Variants in CEP104 observed in about 807,000 individuals in gnomAD.
CEP104 encodes the protein centrosomal protein of 104 kDa.
A neutral mutation model predicts 113.3 loss-of-function variants in CEP104; 84 were observed. That is an observed-to-expected ratio of 0.74 (90% CI 0.62 to 0.89). The LOEUF (loss-of-function observed/expected upper bound fraction) is 0.89, where lower values mean the gene tolerates loss of function less well. Ranked by LOEUF, CEP104 falls within the 40% of genes least tolerant of loss-of-function variation. The probability of loss-of-function intolerance (pLI) is 0.00; values close to 1 mark genes in which losing one functional copy is unlikely to be tolerated. For missense variants in CEP104, 1,053 were observed against 1,156.6 expected, an observed-to-expected ratio of 0.91 and a Z score of 1.30; for synonymous variants, 378 against 421.7, an observed-to-expected ratio of 0.90 and a Z score of 1.27.
chr1:3,818,235 A>G (rs1214049009), intron 20 of CEP104, among the ~76,000 whole-genome samples: 3 of 152,120 alleles, frequency 2.0e-5, no homozygotes, highest in African/African-American at 7.2e-5. Flanking sequence ...TCCTCTGTCT[A>G]CACTTGCTCT....
Position 3,847,590 on chromosome 1 carries a change from T to C in CEP104, c.311A>G (p.Glu104Gly). ...RLGYVSLCDN[E>G]KTGCKARELK... ...TTCCCGGGCTTTGCAACCTGTCTTTTCATTATCACAGAGAGACACGTAGCT... is the reference window on the plus strand; with the variant it reads ...TTCCCGGGCTTTGCAACCTGTCTTTCCATTATCACAGAGAGACACGTAGCT... Residue 104 changes from glutamate (E) to glycine (G), a missense_variant, in exon 4 of 22, where the codon GAA (glutamate) becomes GGA (glycine). Transcript: ENST00000378230. 6.2e-7 allele frequency: 1 copy of C among 1,614,174 alleles called. No individual in the cohort carries two copies. Among genetic ancestry groups the C allele is most frequent in the Non-Finnish European group, 8.5e-7 (1 of 1,180,028 alleles).
chr1:3,817,230 T>G (rs1643893662), intron 20 of CEP104, among the ~76,000 whole-genome samples: 1 of 152,080 alleles, frequency 6.6e-6, no homozygotes, highest in Non-Finnish European at 1.5e-5. Context: ...TAATCCCAGC[T>G]ACTCAGGAGG....
chr1:3,852,767 C>A (rs534587623), intron 1 of CEP104, among the ~76,000 whole-genome samples: 1 of 152,290 alleles, frequency 6.6e-6, no homozygotes, highest in East Asian at 1.9e-4. Context: ...TGGGTGTGAT[C>A]TAGTTAAAAT....
intron 20 of CEP104, among the ~76,000 whole-genome samples, chr1:3,818,886 C>T (rs1643919632): frequency 6.6e-6 from 1 of 152,220 alleles, no homozygotes; most frequent in African/African-American, 2.4e-5. Context: ...CCTCTTCCAT[C>T]AAGGCTTAAG....
chr1:3,840,212 AT>A (rs1644388580), intron 6 of CEP104, among the ~76,000 whole-genome samples: 1 of 152,148 alleles, frequency 6.6e-6, no homozygotes, highest in African/African-American at 2.4e-5. Flanking sequence ...CAGGCGCCGT[AT>A]TTTATAACAA....
At chr1:3,849,546 G>A (rs1308679934) in intron 2 of CEP104, among the ~76,000 whole-genome samples, 3 of 152,186 alleles carry the variant, frequency 2.0e-5, no homozygotes, top group African/African-American at 7.2e-5. Context: ...GTAACACAAC[G>A]TATTAAATAA....
rs532194521 is a variant in CEP104 at position 3,819,286 on chromosome 1, T to C, written c.2572-2916A>G. On this transcript the variant is annotated intron_variant, in intron 20 of 21. Coordinates refer to ENST00000378230, the MANE Select transcript of CEP104 (RefSeq NM_014704.4). This position sits in a 1 kb window ranked among gnomAD's most constrained non-coding sequence, Gnocchi z 4.6. ...TAGGCAAATCCATGGAGACCAAAACTAGACATATGGTCGCCAGGGGCTGGA... is the reference window on the plus strand; with the variant it reads ...TAGGCAAATCCATGGAGACCAAAACCAGACATATGGTCGCCAGGGGCTGGA... Among the ~76,000 whole-genome samples the C allele has an allele frequency of 1.4e-4, 22 of 152,116 alleles. No homozygotes were observed. The highest frequency in any genetic ancestry group is 4.1e-4 in the African/African-American group (17 of 41,490).
chr1:3,845,680 A>G (rs867731139), intron 4 of CEP104, among the ~76,000 whole-genome samples: 1 of 152,156 alleles, frequency 6.6e-6, no homozygotes, highest in African/African-American at 2.4e-5. Flanking sequence ...GATGATGTAT[A>G]TCAAAGCGTA....
At chr1:3,815,823 G>C (rs1643872006) in intron 21 of CEP104, among the ~76,000 whole-genome samples, 1 of 152,136 alleles carries the variant, frequency 6.6e-6, no homozygotes, top group Non-Finnish European at 1.5e-5. Context: ...TGAGTAGCTG[G>C]ACTATAGGTG....
chr1:3,851,788 T>TTTAATAAAGTATAC (rs1644615864), intron 2 of CEP104, among the ~76,000 whole-genome samples: 2 of 152,226 alleles, frequency 1.3e-5, no homozygotes, highest in African/African-American at 4.8e-5. Flanking sequence ...TAGCTGGGAC[T>TTTAATAAAGTATAC]GCAGGCGGGA....
intron 10 of CEP104, 66 bp from the exon 11 acceptor site, chr1:3,835,158 G>T: frequency 1.6e-6 from 2 of 1,275,100 alleles, no homozygotes; most frequent in Non-Finnish European, 2.1e-6. Context: ...ACAACTTGAA[G>T]GCTTTGTTTT....
intron 9 of CEP104, 68 bp downstream of exon 9, chr1:3,837,224 T>G: frequency 1.5e-6 from 2 of 1,328,768 alleles, no homozygotes; most frequent in South Asian, 2.6e-5. Flanking sequence ...GAACAGCACC[T>G]GGCACAACAC....
At chr1:3,845,244 A>T (rs1380309260) in intron 5 of CEP104, 45 bp downstream of exon 5, 1 of 1,322,758 alleles carries the variant, frequency 7.6e-7, no homozygotes, top group Non-Finnish European at 1.1e-6. Context: ...CCCTCCCATT[A>T]TAAATAGATT....
Position 3,812,159 on chromosome 1 carries a change from A to G in CEP104, c.*3243T>C, listed in dbSNP as rs1570751109. ...TAAGCCCTAAAACGACAACAAAAAT[A>G]TATTACTTAGATATTTTGTAATTCT... On this transcript the variant is annotated 3_prime_UTR_variant, in exon 22 of 22. Coordinates refer to ENST00000378230, the MANE Select transcript of CEP104 (RefSeq NM_014704.4). 1 of 152,228 alleles carries G rather than the reference A, an allele frequency of 6.6e-6. No homozygotes were observed. The highest frequency in any genetic ancestry group is 1.5e-5 in the Non-Finnish European group (1 of 68,042). 9.4% of individuals were successfully genotyped at this position (152,228 alleles called of 1,614,324 possible).
At chr1:3,824,586 C>T (rs754708776) in intron 18 of CEP104, among the ~76,000 whole-genome samples, 2 of 152,172 alleles carry the variant, frequency 1.3e-5, no homozygotes, top group East Asian at 1.9e-4. Flanking sequence ...ACAATTCATG[C>T]GACTGACCAA....
chr1:3,825,861 C>G lies in CEP104; in HGVS notation c.2261G>C (p.Cys754Ser). ...IPDEHYLDNL[C>S]IFCGERSESF... ...TTCACTCCTTTCCCCACAAAAAATA[C>G]ACAAACTGAAAGCAAAGCAAAGCAG... The change falls in exon 18 of 22, where the codon TGT becomes TCT. Residue 754 changes from cysteine (C) to serine (S), a missense_variant. Coordinates refer to ENST00000378230, the MANE Select transcript of CEP104 (RefSeq NM_014704.4). The G allele has an allele frequency of 6.2e-7, 1 of 1,609,678 alleles. No homozygotes were observed. The highest frequency in any genetic ancestry group is 8.5e-7 in the Non-Finnish European group (1 of 1,175,924).
At chr1:3,837,933 T>A (rs1644345784) in intron 8 of CEP104, among the ~76,000 whole-genome samples, 1 of 152,240 alleles carries the variant, frequency 6.6e-6, no homozygotes, top group Non-Finnish European at 1.5e-5. Context: ...AGGAAAGTGA[T>A]GTTGTGTCAT....
chr1:3,830,971 T>C lies in CEP104; in HGVS notation c.1836+75A>G, dbSNP rs1178325468. 1.1e-5 allele frequency: 16 copies of C among 1,398,644 alleles called. No homozygotes were observed. In the East Asian group the frequency reaches 2.3e-4, roughly 20 times the overall value. The allele number at this position is 1,398,644 out of a possible 1,614,324, so 86.6% of individuals were successfully genotyped here. A position where few individuals can be genotyped will look rare whatever the true frequency, so the allele number is the denominator to read the frequency against. ...CAGTCATTCCTTCAACAAATGCCGATGAGACCCTCGCCACGCTCCAGGCAC... is the reference window on the plus strand; with the variant it reads ...CAGTCATTCCTTCAACAAATGCCGACGAGACCCTCGCCACGCTCCAGGCAC... On this transcript the variant is annotated intron_variant, in intron 13 of 21. Transcript: ENST00000378230.
Position 3,829,336 on chromosome 1 carries a change from T to G in CEP104, c.2081A>C (p.Gln694Pro), listed in dbSNP as rs748254073. The stretch of plus-strand genomic sequence containing the variant: ...TAAAGCTTTTATTTCTTCTTTCTTT[T>G]GTTTTTCTGCTTCTTCTGTAGCCGC... The part of the protein sequence containing the change: ...RKAATEEAEK[Q>P]KKEEIKALQG... The change falls in exon 15 of 22, where the codon CAA (glutamine) becomes CCA (proline). Residue 694 changes from glutamine to proline, a missense_variant. Gln to Pro is a moderately conservative substitution (Grantham distance 76). Coordinates refer to ENST00000378230, the MANE Select transcript of CEP104 (RefSeq NM_014704.4). 6.2e-7 allele frequency: 1 copy of G among 1,607,060 alleles called. No homozygotes were observed.
Sources: gnomAD v4.1 joint callset for allele counts (sites outside exome capture counted in the v4.1 genomes callset) on GRCh38, gnomAD v4.1.1 for gene constraint, Gnocchi (gnomAD v3.1) non-coding constraint, MANE v1.5 for transcripts, NCBI Gene and HGNC (gene_info 2026-07-23, HGNC 2026-07-21) for gene names.